ADGRG1: variants seen among roughly 807,000 people sequenced by gnomAD.
ADGRG1 encodes the protein adhesion G protein-coupled receptor G1.
Under a neutral mutation model 73.5 loss-of-function variants are expected in ADGRG1, and 53 were observed. The observed-to-expected ratio is 0.72, with a 90% CI of 0.58 to 0.91. The LOEUF (loss-of-function observed/expected upper bound fraction) is 0.91, where lower values mean the gene tolerates loss of function less well. Among genes scored for constraint, ADGRG1 ranks in the 40% least tolerant of loss-of-function variants. The pLI is 0.00. For synonymous variants in ADGRG1, 394 were observed against 374.4 expected, an observed-to-expected ratio of 1.05 and a Z score of -0.60; for missense variants, 795 against 871.8, an observed-to-expected ratio of 0.91 and a Z score of 1.11.
At chr16:57,645,178 C>T (rs2042279594) in intron 1 of ADGRG1, 1 of 985,454 alleles carries the variant, frequency 1.0e-6, no homozygotes, top group South Asian at 4.7e-5. Flanking sequence ...CGTGCCCCAG[C>T]AGCCCACAGG....
chr16:57,662,927 G>A (rs1415961798), intron 13 of ADGRG1: 1 of 985,338 alleles, frequency 1.0e-6, no homozygotes, highest in Non-Finnish European at 1.2e-6. Context: ...ATGGGAGCTG[G>A]GAGTTGGTGG....
chr16:57,635,604 C>T, intron 1 of ADGRG1: 2 of 985,388 alleles, frequency 2.0e-6, no homozygotes, highest in Non-Finnish European at 2.4e-6. Flanking sequence ...TGTTTGCAAA[C>T]CACGTGAGCA....
At chr16:57,635,686 C>T in intron 1 of ADGRG1, 2 of 984,304 alleles carry the variant, frequency 2.0e-6, no homozygotes, top group Non-Finnish European at 2.4e-6. Context: ...GGCTCAGCCC[C>T]TCTGAGCCTC....
chr16:57,624,660 C>T, upstream of ADGRG1: 2 of 925,272 alleles, frequency 2.2e-6, no homozygotes, highest in South Asian at 5.0e-5. Flanking sequence ...AGACCTCCTC[C>T]TAGCCCTCCC....
exon 1 of ADGRG1, chr16:57,621,014 C>A (rs2034687454): frequency 6.6e-6 from 1 of 152,210 alleles, no homozygotes; most frequent in Non-Finnish European, 1.5e-5. Flanking sequence ...CTCCCCTGGT[C>A]TCATGGGCCA....
intron 1 of ADGRG1, among the ~76,000 whole-genome samples, chr16:57,638,446 T>G (rs189928476): frequency 1.1e-3 from 167 of 152,052 alleles, no homozygotes; most frequent in African/African-American, 4.0e-3. Context: ...TTTTCCTCCT[T>G]CCCCAGACTG....
chr16:57,636,710 G>A lies in ADGRG1; in HGVS notation c.-36+7908G>A, dbSNP rs1321755697. On this transcript the variant is annotated intron_variant, in intron 1 of 13. Transcript: ENST00000562631. ...TGCCCTGGGTTAGAGTCCCAGCTCC[G>A]TCTCAGTCTTCATTTACTCATCCAG... 2.5e-5 allele frequency: 25 copies of A among 984,798 alleles called. No homozygotes were observed. In the Admixed American group the frequency reaches 4.3e-4, roughly 17 times the overall value. 61.0% of individuals were successfully genotyped at this position (984,798 alleles called of 1,614,324 possible). A position where few individuals can be genotyped will look rare whatever the true frequency, so the allele number is the denominator to read the frequency against.
chr16:57,663,718 GC>G lies in ADGRG1; in HGVS notation c.*138del. On this transcript the variant is annotated 3_prime_UTR_variant, in exon 14 of 14. Coordinates refer to ENST00000562631, the MANE Select transcript of ADGRG1 (RefSeq NM_201525.4). The stretch of plus-strand genomic sequence containing the variant: ...AAGCCCAACGACCATGGAGAGATGG[GC>G]CGTTGCCATGGTGGACGGACTCCCG... The G allele has an allele frequency of 1.0e-6, 1 of 988,248 alleles. No individual in the cohort carries two copies. The highest frequency in any genetic ancestry group is 1.5e-6 in the Non-Finnish European group (1 of 647,462). The allele number at this position is 988,248 out of a possible 1,614,324, so 61.2% of individuals were successfully genotyped here.
At chr16:57,647,597 A>G (rs1175321542) in intron 1 of ADGRG1, 5 of 365,286 alleles carry the variant, frequency 1.4e-5, no homozygotes, top group Non-Finnish European at 1.5e-5. Flanking sequence ...GTGAGTAACT[A>G]GCCCAAGGAC....
At chr16:57,658,006 C>T (rs981961036) in intron 10 of ADGRG1, among the ~76,000 whole-genome samples, 20 of 152,158 alleles carry the variant, frequency 1.3e-4, no homozygotes, top group East Asian at 1.9e-4. Flanking sequence ...CCCCCCGAAG[C>T]GCTGGGATTA....
chr16:57,647,871 A>T, intron 1 of ADGRG1: 1 of 577,092 alleles, frequency 1.7e-6, no homozygotes, highest in Non-Finnish European at 2.2e-6. Context: ...TTTCCTTCCA[A>T]TGATGGGGAG....
chr16:57,630,283 C>T (rs2037413682), intron 1 of ADGRG1: 4 of 811,682 alleles, frequency 4.9e-6, no homozygotes, highest in Non-Finnish European at 6.0e-6. Flanking sequence ...GCCAAGTTGG[C>T]TCCCCAGAGC....
rs1301426222 is a variant in ADGRG1, at chr16:57,653,912, C to T, written c.621-74C>T. ...TCCCTGTGTCTCTGTCTGAGTCTCTCGTCCTCCTGCCTCAGTCTCCCTGGT... is the reference window on the plus strand; with the variant it reads ...TCCCTGTGTCTCTGTCTGAGTCTCTTGTCCTCCTGCCTCAGTCTCCCTGGT... On this transcript the variant is annotated intron_variant, in intron 4 of 13. Transcript: ENST00000562631. 1.3e-5 allele frequency: 21 copies of T among 1,607,286 alleles called. No individual in the cohort carries two copies. In the East Asian group the frequency reaches 1.8e-4, roughly 14 times the overall value.
intron 5 of ADGRG1, among the ~76,000 whole-genome samples, chr16:57,654,760 A>G (rs1254697015): frequency 1.3e-5 from 2 of 152,174 alleles, no homozygotes; most frequent in Non-Finnish European, 2.9e-5. Context: ...CATGCCTGTA[A>G]TTCCAGCTAC....
chr16:57,628,829 G>T (rs1020281739), intron 1 of ADGRG1, 27 bp downstream of exon 1: 11 of 983,910 alleles, frequency 1.1e-5, no homozygotes, highest in African/African-American at 3.5e-5. Context: ...TGGACAGCAG[G>T]TGGGAAGGGG....
At position 57,653,998 on chromosome 16, in the gene ADGRG1, C is replaced by T. The variant is rs781732648; in HGVS notation, c.633C>T (p.Ser211=). The T allele has an allele frequency of 1.9e-5, 31 of 1,613,944 alleles. No individual in the cohort carries two copies. In the South Asian group the frequency reaches 2.4e-4, roughly 13 times the overall value. ...SAAPASQQLQ[S]LESKLTSVRF... is the part of the protein sequence containing the mutation. ...TCCTCCCTGCCAGGCAGTTGCAGAG[C>T]CTGGAGTCGAAACTGACCTCTGTGA... The change falls in exon 5 of 14, where the codon AGC becomes AGT. Residue 211 remains serine (S), a synonymous_variant. Transcript: ENST00000562631.
intron 1 of ADGRG1, chr16:57,635,055 G>C (rs1354231541): frequency 2.0e-6 from 2 of 985,216 alleles, no homozygotes; most frequent in African/African-American, 3.5e-5. Context: ...CAGCTGAAGA[G>C]GACTGGAGTG....
At chr16:57,647,142 G>C in intron 1 of ADGRG1, 4 of 985,426 alleles carry the variant, frequency 4.1e-6, no homozygotes, top group Non-Finnish European at 4.8e-6. Flanking sequence ...ATGAAGGAGG[G>C]GCGCTAAGTG....
chr16:57,630,853 GA>G (rs2037653479), intron 1 of ADGRG1: 1 of 690,278 alleles, frequency 1.4e-6, no homozygotes, highest in Non-Finnish European at 1.8e-6. Context: ...AACTACTTAG[GA>G]AAACATTTGG....
Sources: allele counts gnomAD v4.1 joint callset (sites outside exome capture counted in the v4.1 genomes callset), GRCh38; gene constraint gnomAD v4.1.1; transcripts MANE v1.5; gene names NCBI Gene and HGNC (gene_info 2026-07-23, HGNC 2026-07-21).